ABCB1: variants seen among roughly 807,000 people sequenced by gnomAD.
ABCB1 encodes the protein ATP-dependent translocase ABCB1.
ABCB1 carries 69 observed loss-of-function variants against 142.0 expected under a neutral mutation model. That is an observed-to-expected ratio of 0.49 (90% confidence interval 0.40 to 0.59). The LOEUF is 0.59. Ranked by LOEUF, ABCB1 falls within the 20% of genes least tolerant of loss-of-function variation. ABCB1 has a pLI of 0.00. For missense variants in ABCB1, 1,326 were observed against 1,554.7 expected, an observed-to-expected ratio of 0.85 and a Z score of 2.47; for synonymous variants, 532 against 539.2, an observed-to-expected ratio of 0.99 and a Z score of 0.18.
intron 1 of ABCB1, among the ~76,000 whole-genome samples, chr7:87,660,693 C>T (rs1824611962): frequency 6.6e-6 from 1 of 151,822 alleles, no homozygotes; most frequent in Non-Finnish European, 1.5e-5. Context: ...ATGTTGGACT[C>T]TTAGCAGATT....
At position 87,504,070 on chromosome 7, in the gene ABCB1, A is replaced by ATGTCTCTC. The variant is rs28364278; in HGVS notation, c.*165_*172dup. On this transcript the variant is annotated 3_prime_UTR_variant, in exon 28 of 28. Coordinates refer to ENST00000622132, the MANE Select transcript of ABCB1 (RefSeq NM_001348946.2). ...AACTATGATTTCTCTCCACTTGATGATGTCTCTCACTCTGTTCCTTTAATT... is the reference window on the plus strand; with the variant it reads ...AACTATGATTTCTCTCCACTTGATGATGTCTCTCTGTCTCTCACTCTGTTCCTTTAATT... 7,426 of 717,680 alleles carry ATGTCTCTC rather than the reference A, an allele frequency of 0.01. 221 individuals are homozygous for ATGTCTCTC. Among genetic ancestry groups the ATGTCTCTC allele is most frequent in the African/African-American group, 0.077 (4,300 of 56,142 alleles). 44.5% of individuals were successfully genotyped at this position (717,680 alleles called of 1,614,324 possible).
intron 27 of ABCB1, 95 bp downstream of exon 27, chr7:87,505,802 A>C (rs1201775519): frequency 6.9e-7 from 1 of 1,450,668 alleles, no homozygotes; most frequent in East Asian, 2.3e-5. Context: ...AGTAACTGTC[A>C]ATAATCTGGC....
rs569902456 is a variant in ABCB1, at chr7:87,540,432, G to GTATTTATT, written c.2319+917_2319+924dup. Among the ~76,000 whole-genome samples the GTATTTATT allele has an allele frequency of 2.6e-3, 388 of 152,084 alleles. 1 individual carries two copies. The highest frequency in any genetic ancestry group is 8.8e-3 in the African/African-American group (364 of 41,482). On this transcript the variant is annotated intron_variant, in intron 18 of 27. Transcript: ENST00000622132. ...CAATACTGTCTTGCCATACCAAACAGTATTTATTTATTTATTTATTTATTT... is the reference window on the plus strand; with the variant it reads ...CAATACTGTCTTGCCATACCAAACAGTATTTATTTATTTATTTATTTATTTATTTATTT...
At chr7:87,568,677 C>G (rs992018245) in intron 5 of ABCB1, among the ~76,000 whole-genome samples, 2 of 152,180 alleles carry the variant, frequency 1.3e-5, no homozygotes, top group Non-Finnish European at 2.9e-5. Context: ...TTTCCCCAAA[C>G]TCTACCTTGT....
chr7:87,708,952 A>G (rs559699715), intron 1 of ABCB1, among the ~76,000 whole-genome samples: 2 of 152,306 alleles, frequency 1.3e-5, no homozygotes, highest in Admixed American at 6.5e-5. Flanking sequence ...CCTTCATTTT[A>G]TGGATCACCC....
At chr7:87,548,409 G>A (rs1816901874) in intron 14 of ABCB1, among the ~76,000 whole-genome samples, 1 of 152,126 alleles carries the variant, frequency 6.6e-6, no homozygotes. Context: ...ACACAGAGAT[G>A]AAATCACAGA....
At chr7:87,704,949 A>G (rs1829456022) in intron 1 of ABCB1, among the ~76,000 whole-genome samples, 1 of 152,238 alleles carries the variant, frequency 6.6e-6, no homozygotes, top group Non-Finnish European at 1.5e-5. Flanking sequence ...GCATAGTGTC[A>G]TTTTGCCTTG....
At chr7:87,577,028 T>G (rs984381567) in intron 4 of ABCB1, among the ~76,000 whole-genome samples, 1 of 152,174 alleles carries the variant, frequency 6.6e-6, no homozygotes, top group African/African-American at 2.4e-5. Flanking sequence ...AACTATATAT[T>G]TTTGTATCCT....
chr7:87,513,054 C>G (rs1270309569), intron 25 of ABCB1, among the ~76,000 whole-genome samples: 1 of 152,334 alleles, frequency 6.6e-6, no homozygotes, highest in East Asian at 1.9e-4. Flanking sequence ...ACCAGCTCTC[C>G]TTCAGCAGCT....
rs28746503 is a variant in ABCB1, at chr7:87,638,737, G to T, written c.-330-37659C>A. Among the ~76,000 whole-genome samples, 575 of 149,316 alleles carry T rather than the reference G, an allele frequency of 3.9e-3. 3 individuals are homozygous for T. The highest frequency in any genetic ancestry group is 0.014 in the African/African-American group (554 of 40,490). On this transcript the variant is annotated intron_variant, in intron 1 of 28. Coordinates refer to the ABCB1 transcript ENST00000265724. ...AATCTCCATTTTCCCCATTTATTTT[G>T]CTAGGCATTTATTAATTTTACCAAC...
chr7:87,620,490 G>C (rs1820185764), intron 1 of ABCB1, among the ~76,000 whole-genome samples: 1 of 151,896 alleles, frequency 6.6e-6, no homozygotes, highest in Admixed American at 6.6e-5. Context: ...TCTTCAATAG[G>C]GTTTTTTTTT....
intron 1 of ABCB1, among the ~76,000 whole-genome samples, chr7:87,707,766 G>C (rs956921465): frequency 6.6e-6 from 1 of 152,040 alleles, no homozygotes; most frequent in Non-Finnish European, 1.5e-5. Context: ...ATATTAAATT[G>C]ACCATTTTCT....
intron 1 of ABCB1, among the ~76,000 whole-genome samples, chr7:87,705,792 T>TA (rs1173948321): frequency 3.3e-5 from 5 of 152,204 alleles, no homozygotes. Context: ...AAACATATTA[T>TA]ATGATCCCTG....
At chr7:87,666,378 G>A (rs560310377) in intron 1 of ABCB1, among the ~76,000 whole-genome samples, 4 of 151,588 alleles carry the variant, frequency 2.6e-5, no homozygotes, top group South Asian at 4.2e-4. Context: ...CCTTATAGAT[G>A]CTGGATATTA....
At chr7:87,549,301 G>A in intron 14 of ABCB1, 47 bp downstream of exon 14, 1 of 1,611,700 alleles carries the variant, frequency 6.2e-7, no homozygotes, top group Non-Finnish European at 8.5e-7. Context: ...GTAGTAGAAT[G>A]TTCTTATGCT....
chr7:87,670,557 T>A (rs533428720), intron 1 of ABCB1, among the ~76,000 whole-genome samples: 6 of 152,364 alleles, frequency 3.9e-5, no homozygotes, highest in African/African-American at 1.4e-4. Context: ...TCTGAACATT[T>A]GAGTTACTGG....
At chr7:87,631,138 C>T (rs1277854356) in intron 1 of ABCB1, among the ~76,000 whole-genome samples, 1 of 152,090 alleles carries the variant, frequency 6.6e-6, no homozygotes, top group Non-Finnish European at 1.5e-5. Context: ...GGCTGTTTTT[C>T]AGATCCAAAT....
chr7:87,705,755 A>G (rs772001231), intron 1 of ABCB1, among the ~76,000 whole-genome samples: 4 of 152,158 alleles, frequency 2.6e-5, no homozygotes, highest in Admixed American at 2.0e-4. Context: ...CATCTTCCGC[A>G]TCTGCTCTTG....
chr7:87,523,696 A>G, intron 21 of ABCB1, among the ~76,000 whole-genome samples: 1 of 152,228 alleles, frequency 6.6e-6, no homozygotes, highest in East Asian at 1.9e-4. Context: ...ATTAGGAAAC[A>G]TACATCCTTC....
Sources: gnomAD v4.1 joint callset for allele counts (sites outside exome capture counted in the v4.1 genomes callset) on GRCh38, gnomAD v4.1.1 for gene constraint, MANE v1.5 for transcripts, NCBI Gene and HGNC (gene_info 2026-07-23, HGNC 2026-07-21) for gene names.